The following KAZN variants were observed in gnomAD, a reference collection of about 807,000 sequenced individuals.
KAZN encodes the protein kazrin.
KAZN carries 40 observed loss-of-function variants against 87.4 expected under a neutral mutation model. The ratio of observed to expected loss-of-function variants is 0.46; its 90% confidence interval spans 0.36 to 0.60. The LOEUF (loss-of-function observed/expected upper bound fraction) is 0.60. Among genes scored for constraint, KAZN ranks in the 20% least tolerant of loss-of-function variants. KAZN has a pLI of 0.00. For synonymous variants in KAZN, 466 were observed against 458.3 expected (o/e 1.02, Z -0.22); for missense variants, 898 against 1,073.9 (o/e 0.84, Z 2.29).
intron 1 of KAZN, among the ~76,000 whole-genome samples, chr1:14,112,929 G>C (rs1368480095): frequency 6.6e-6 from 1 of 152,206 alleles, no homozygotes; most frequent in African/African-American, 2.4e-5. Flanking sequence ...TCAAAGTGCT[G>C]TGCGGAAGAA....
At chr1:14,741,346 G>C (rs754849858) in intron 1 of KAZN, among the ~76,000 whole-genome samples, 4 of 152,218 alleles carry the variant, frequency 2.6e-5, no homozygotes, top group Non-Finnish European at 5.9e-5. Context: ...GGCAGCTGGT[G>C]GCACAGGTGG....
At chr1:14,440,961 A>G (rs1666664627) in intron 2 of KAZN, among the ~76,000 whole-genome samples, 2 of 152,138 alleles carry the variant, frequency 1.3e-5, no homozygotes, top group Non-Finnish European at 2.9e-5. Context: ...GTGAACCACA[A>G]TCACCCCCAG....
intron 1 of KAZN, among the ~76,000 whole-genome samples, chr1:14,088,620 G>A (rs931186104): frequency 6.6e-6 from 1 of 151,928 alleles, no homozygotes. Context: ...TGTTGGACAG[G>A]ATGGTCTATA....
chr1:14,893,692 G>T (rs138106172), intron 1 of KAZN, among the ~76,000 whole-genome samples: 41 of 152,248 alleles, frequency 2.7e-4, no homozygotes, highest in African/African-American at 9.4e-4. Flanking sequence ...CAGACCCTGA[G>T]GCCAGAAAGC....
intron 2 of KAZN, among the ~76,000 whole-genome samples, chr1:14,478,890 A>C (rs770812573): frequency 4.2e-4 from 64 of 152,230 alleles, no homozygotes; most frequent in Non-Finnish European, 1.2e-4. Context: ...TTGGGAGCAG[A>C]TCCAAGAAAA....
At chr1:14,257,314 GTTGT>G (rs1353399334) in intron 2 of KAZN, among the ~76,000 whole-genome samples, 2 of 147,452 alleles carry the variant, frequency 1.4e-5, no homozygotes, top group Non-Finnish European at 3.0e-5. Context: ...TTTTGATGGG[GTTGT>G]TTGTTTTTTT....
chr1:14,402,282 C>A (rs1340615496), intron 2 of KAZN, among the ~76,000 whole-genome samples: 1 of 151,274 alleles, frequency 6.6e-6, no homozygotes, highest in Non-Finnish European at 1.5e-5. Flanking sequence ...ATAGCCTGTT[C>A]CTAATAGCAA....
At chr1:14,674,334 G>A (rs1349381381) in intron 1 of KAZN, among the ~76,000 whole-genome samples, 1 of 152,164 alleles carries the variant, frequency 6.6e-6, no homozygotes, top group Non-Finnish European at 1.5e-5. Flanking sequence ...TGCAGCTGTG[G>A]TCACCAAAAG....
chr1:14,787,476 C>T (rs1198880125), intron 1 of KAZN, among the ~76,000 whole-genome samples: 2 of 152,116 alleles, frequency 1.3e-5, no homozygotes, highest in Non-Finnish European at 2.9e-5. Flanking sequence ...TCTTTTCTGT[C>T]CATAAAATGA....
intron 2 of KAZN, among the ~76,000 whole-genome samples, chr1:14,358,912 G>T (rs913330750): frequency 6.6e-6 from 1 of 152,188 alleles, no homozygotes; most frequent in Non-Finnish European, 1.5e-5. Flanking sequence ...TTTGATTTGG[G>T]GTGGAGAGTT....
At chr1:14,475,497 G>T (rs570699628) in intron 2 of KAZN, among the ~76,000 whole-genome samples, 2 of 152,122 alleles carry the variant, frequency 1.3e-5, no homozygotes, top group African/African-American at 4.8e-5. Context: ...TTGTCTTTTC[G>T]TCAGTCTCTC....
intron 1 of KAZN, among the ~76,000 whole-genome samples, chr1:14,638,706 T>G (rs1293528914): frequency 6.6e-6 from 1 of 152,176 alleles, no homozygotes; most frequent in African/African-American, 2.4e-5. Flanking sequence ...AGGATGGGAT[T>G]GAGTGTGCCG....
intron 8 of KAZN, among the ~76,000 whole-genome samples, chr1:15,091,673 G>T (rs975151598): frequency 6.6e-6 from 1 of 152,126 alleles, no homozygotes; most frequent in African/African-American, 2.4e-5. Context: ...GGCAGTAGGT[G>T]GTGGATGTTT....
intron 2 of KAZN, among the ~76,000 whole-genome samples, chr1:14,468,335 A>C (rs532155789): frequency 1.3e-5 from 2 of 152,346 alleles, no homozygotes; most frequent in East Asian, 3.9e-4. Context: ...CCTCACATCA[A>C]GAAGCACTTG....
intron 2 of KAZN, among the ~76,000 whole-genome samples, chr1:14,463,918 G>T (rs975874512): frequency 6.6e-6 from 1 of 152,232 alleles, no homozygotes; most frequent in Non-Finnish European, 1.5e-5. Flanking sequence ...GTCACAGGCT[G>T]CAGTTCTGTT....
intron 1 of KAZN, among the ~76,000 whole-genome samples, chr1:14,740,642 C>T (rs985315821): frequency 2.6e-5 from 4 of 152,140 alleles, no homozygotes; most frequent in African/African-American, 9.7e-5. Context: ...ACAGACCTCT[C>T]CCGCTCTGGC....
intron 1 of KAZN, among the ~76,000 whole-genome samples, chr1:14,877,653 G>A (rs1469336662): frequency 6.6e-6 from 1 of 152,184 alleles, no homozygotes; most frequent in African/African-American, 2.4e-5. Context: ...CCTAGGACAA[G>A]GTTCTTTCTC....
chr1:14,935,358 C>T (rs1483120114), intron 1 of KAZN, among the ~76,000 whole-genome samples: 1 of 152,166 alleles, frequency 6.6e-6, no homozygotes, highest in African/African-American at 2.4e-5. Flanking sequence ...CTCCTGTCTT[C>T]CTAGCATCAG....
intron 8 of KAZN, among the ~76,000 whole-genome samples, chr1:15,091,398 G>T (rs1640527202): frequency 6.6e-6 from 1 of 152,212 alleles, no homozygotes; most frequent in South Asian, 2.1e-4. Flanking sequence ...AGACTGGAGT[G>T]CAGTGGCACA....
Sources: gnomAD v4.1 joint callset for allele counts (sites outside exome capture counted in the v4.1 genomes callset) on GRCh38, gnomAD v4.1.1 for gene constraint, MANE v1.5 for transcripts, NCBI Gene and HGNC (gene_info 2026-07-23, HGNC 2026-07-21) for gene names.